PECR: variants seen among roughly 807,000 people sequenced by gnomAD.
The protein encoded by PECR is 2,4-dienoyl-CoA reductase-related protein.
A neutral mutation model predicts 35.3 loss-of-function variants in PECR; 30 were observed. That is an observed-to-expected ratio of 0.85 (90% confidence interval 0.64 to 1.15). The LOEUF (loss-of-function observed/expected upper bound fraction) is 1.15. Among genes scored for constraint, PECR ranks in the 50% most tolerant of loss-of-function variants. The pLI is 0.00. For synonymous variants in PECR, 148 were observed against 138.9 expected (o/e 1.07, Z -0.46); for missense variants, 392 against 370.8 (o/e 1.06, Z -0.47).
downstream of PECR, among the ~76,000 whole-genome samples, chr2:216,035,420 C>T (rs1385959913): frequency 6.6e-6 from 1 of 151,984 alleles, no homozygotes; most frequent in Non-Finnish European, 1.5e-5. Context: ...CTGCCCTCCA[C>T]TGATTCACAG....
At position 216,065,490 on chromosome 2, in the gene PECR, A is replaced by T. The variant is rs758088785; in HGVS notation, c.259-13T>A. 1.9e-6 allele frequency: 3 copies of T among 1,542,448 alleles called. No individual in the cohort carries two copies. Among genetic ancestry groups the T allele is most frequent in the Admixed American group, 1.7e-5 (1 of 59,936 alleles). Reference sequence around the variant, plus strand: ...CCAAATTATTCACCTAAAGAAGAACAGTAGAAGTTACTAAAAGGAAAAGTT... The same window carrying T: ...CCAAATTATTCACCTAAAGAAGAACTGTAGAAGTTACTAAAAGGAAAAGTT... On this transcript the variant is annotated splice_polypyrimidine_tract_variant and intron_variant, in intron 2 of 7. Transcript: ENST00000265322.
chr2:216,053,108 C>G (rs899368637), intron 4 of PECR, among the ~76,000 whole-genome samples: 6 of 152,192 alleles, frequency 3.9e-5, no homozygotes, highest in Non-Finnish European at 7.3e-5. Context: ...CCCGCCTCAG[C>G]CTCCCAAAGT....
At chr2:216,041,903 G>A (rs1694892636) in intron 7 of PECR, among the ~76,000 whole-genome samples, 1 of 152,236 alleles carries the variant, frequency 6.6e-6, no homozygotes, top group South Asian at 2.1e-4. Flanking sequence ...GGACACAGAA[G>A]CTACGTGCCC....
At chr2:216,046,283 TATATAC>T (rs1260800644) in intron 6 of PECR, among the ~76,000 whole-genome samples, 38 of 120,930 alleles carry the variant, frequency 3.1e-4, no homozygotes, top group African/African-American at 1.3e-3. Flanking sequence ...AAAGTATATA[TATATAC>T]ATACATATAT....
At position 216,043,069 on chromosome 2, in the gene PECR, A is replaced by ATG. The variant is rs778168721; in HGVS notation, c.826+833_826+834dup. Among the ~76,000 whole-genome samples the ATG allele has an allele frequency of 2.7e-3, 112 of 41,718 alleles. 3 individuals are homozygous for ATG. Among genetic ancestry groups the ATG allele is most frequent in the African/African-American group, 5.5e-3 (40 of 7,280 alleles). 27.4% of individuals were successfully genotyped at this position (41,718 alleles called of 152,430 possible). Reference sequence around the variant, plus strand: ...TATATATACACATACGTATATATGTATGTATATATATACACATACATATAT... The same window carrying ATG: ...TATATATACACATACGTATATATGTATGTGTATATATATACACATACATATAT... On this transcript the variant is annotated intron_variant, in intron 7 of 7. Transcript: ENST00000265322.
intron 3 of PECR, among the ~76,000 whole-genome samples, chr2:216,059,284 A>C (rs758927882): frequency 3.9e-5 from 6 of 152,198 alleles, no homozygotes; most frequent in Non-Finnish European, 7.3e-5. Context: ...GTAAACACTC[A>C]TCTTTCTGTT....
downstream of PECR, among the ~76,000 whole-genome samples, chr2:216,037,808 G>C (rs1400483379): frequency 1.3e-5 from 2 of 152,086 alleles, no homozygotes; most frequent in Admixed American, 6.6e-5. Flanking sequence ...TGACAGGCCG[G>C]GCGTGGTGGC....
At chr2:216,073,369 T>C (rs939105202) in intron 1 of PECR, among the ~76,000 whole-genome samples, 1 of 152,228 alleles carries the variant, frequency 6.6e-6, no homozygotes, top group African/African-American at 2.4e-5. Context: ...AGTGGTGCTG[T>C]AGCCACTGTA....
At chr2:216,031,351 G>A (rs1385306087) in intron 7 of PECR, among the ~76,000 whole-genome samples, 1 of 151,810 alleles carries the variant, frequency 6.6e-6, no homozygotes, top group Non-Finnish European at 1.5e-5. Context: ...AGGTTGCAGT[G>A]AGCTGAGATT....
At position 216,081,632 on chromosome 2, in the gene PECR, T is replaced by A; in HGVS notation, c.110A>T (p.Glu37Val). The A allele has an allele frequency of 6.2e-7, 1 of 1,613,656 alleles. No homozygotes were observed. The change falls in exon 1 of 8, where the codon GAG (glutamate) becomes GTG (valine). Residue 37 changes from glutamate (E) to valine (V), a missense_variant. By Grantham distance (121) the Glu-to-Val change is moderately radical (BLOSUM62 -2). Coordinates refer to ENST00000265322, the MANE Select transcript of PECR (RefSeq NM_018441.6). Reference protein sequence around the residue: ...ATGIGKAIVKELLELGSNVVI... With the variant: ...ATGIGKAIVKVLLELGSNVVI... ...CGCTCACGTACCCAGCTCCAGGAGC[T>A]CCTTCACGATGGCTTTTCCGATGCC... is the stretch of plus-strand genomic sequence containing the variant.
At chr2:216,074,514 AAGGAAG>A (rs1695652061) in intron 1 of PECR, among the ~76,000 whole-genome samples, 2 of 143,520 alleles carry the variant, frequency 1.4e-5, no homozygotes, top group Non-Finnish European at 3.0e-5. Context: ...GGAAGGAAGG[AAGGAAG>A]GAAGGAAGGA....
At chr2:216,057,322 CT>C (rs1483846293) in intron 4 of PECR, among the ~76,000 whole-genome samples, 1 of 152,074 alleles carries the variant, frequency 6.6e-6, no homozygotes, top group Non-Finnish European at 1.5e-5. Context: ...CAAATCATTC[CT>C]TACTTATGGT....
At chr2:216,052,149 G>A (rs1033969661) in intron 4 of PECR, among the ~76,000 whole-genome samples, 5 of 152,172 alleles carry the variant, frequency 3.3e-5, no homozygotes, top group Non-Finnish European at 5.9e-5. Flanking sequence ...TCACACCACT[G>A]CACTCCAGCC....
At chr2:216,047,419 A>G (rs1695017194) in intron 6 of PECR, among the ~76,000 whole-genome samples, 1 of 152,154 alleles carries the variant, frequency 6.6e-6, no homozygotes, top group South Asian at 2.1e-4. Flanking sequence ...ACTTCAATAA[A>G]TCTGAAAGTT....
intron 2 of PECR, among the ~76,000 whole-genome samples, chr2:216,066,061 T>G (rs949513481): frequency 6.6e-6 from 1 of 152,182 alleles, no homozygotes; most frequent in Non-Finnish European, 1.5e-5. Flanking sequence ...GAGGTGTAGG[T>G]TGCAGTGAGC....
At chr2:216,070,138 A>G (rs1695558664) in intron 1 of PECR, among the ~76,000 whole-genome samples, 1 of 152,122 alleles carries the variant, frequency 6.6e-6, no homozygotes, top group African/African-American at 2.4e-5. Flanking sequence ...ACATGAAAAT[A>G]AAACAGTTTA....
At position 216,038,617 on chromosome 2, in the gene PECR, T is replaced by C. The variant is rs1694836841; in HGVS notation, c.*658A>G. 1 of 152,074 alleles carries C rather than the reference T, an allele frequency of 6.6e-6. No homozygotes were observed. Among genetic ancestry groups the C allele is most frequent in the South Asian group, 2.1e-4 (1 of 4,834 alleles). The allele number at this position is 152,074 out of a possible 1,614,324, so 9.4% of individuals were successfully genotyped here. ...GTTGTTGTTGTTTGTTTTTGTTTTT[T>C]GGGTTTTTTTTGAGATGCAGTCTCA... On this transcript the variant is annotated 3_prime_UTR_variant, in exon 8 of 8. Coordinates refer to ENST00000265322, the MANE Select transcript of PECR (RefSeq NM_018441.6).
At chr2:216,050,506 A>G (rs1695088177) in intron 5 of PECR, among the ~76,000 whole-genome samples, 1 of 152,224 alleles carries the variant, frequency 6.6e-6, no homozygotes, top group African/African-American at 2.4e-5. Flanking sequence ...ATTAGTAGCA[A>G]CACCTTTGTC....
chr2:216,042,599 G>T (rs4674050), intron 7 of PECR, among the ~76,000 whole-genome samples: 99,562 of 151,964 alleles, frequency 0.66, 32,762 homozygotes, highest in Admixed American at 0.71. Context: ...ACCTTTTAAC[G>T]TCTGTGGATT....
Sources: gnomAD v4.1 joint callset for allele counts (sites outside exome capture counted in the v4.1 genomes callset) on GRCh38, gnomAD v4.1.1 for gene constraint, MANE v1.5 for transcripts, NCBI Gene and HGNC (gene_info 2026-07-23, HGNC 2026-07-21) for gene names.